Variants in SRGAP3 observed in about 807,000 individuals in gnomAD.
SRGAP3 encodes the protein SLIT-ROBO Rho GTPase-activating protein 3.
A neutral mutation model predicts 121.1 loss-of-function variants in SRGAP3; 39 were observed. That is an observed-to-expected ratio of 0.32 (90% CI 0.25 to 0.42). The LOEUF is 0.42. Ranked by LOEUF, SRGAP3 falls within the 10% of genes least tolerant of loss-of-function variation. SRGAP3 has a pLI of 1.00. For missense variants in SRGAP3, 1,213 were observed against 1,470.6 expected (o/e 0.82, Z 2.86); for synonymous variants, 601 against 570.0 (o/e 1.05, Z -0.77).
intron 10 of SRGAP3, among the ~76,000 whole-genome samples, chr3:9,044,923 C>T (rs533983113): frequency 6.6e-6 from 1 of 152,278 alleles, no homozygotes; most frequent in East Asian, 1.9e-4. Context: ...CCCTAAGAAT[C>T]TACCTGTATC....
At chr3:9,073,210 C>T (rs778894953) in intron 4 of SRGAP3, among the ~76,000 whole-genome samples, 4 of 152,210 alleles carry the variant, frequency 2.6e-5, no homozygotes, top group Non-Finnish European at 4.4e-5. Flanking sequence ...GTGGTGCAAT[C>T]ACAGCTCACT....
At chr3:9,025,120 G>C (rs894016943) in intron 14 of SRGAP3, 141 bp downstream of exon 14, 2 of 832,598 alleles carry the variant, frequency 2.4e-6, no homozygotes, top group Non-Finnish European at 4.1e-6. Flanking sequence ...CACTGCATGT[G>C]AAGTTGGGAA....
intron 1 of SRGAP3, among the ~76,000 whole-genome samples, chr3:9,167,695 G>T (rs1169302728): frequency 6.6e-6 from 1 of 152,182 alleles, no homozygotes; most frequent in African/African-American, 2.4e-5. Context: ...GGAAGGAGGA[G>T]AATCCAGCTC....
chr3:9,294,119 G>A (rs1382303473), intron 3 of SRGAP3, among the ~76,000 whole-genome samples: 1 of 152,074 alleles, frequency 6.6e-6, no homozygotes, highest in Non-Finnish European at 1.5e-5. Flanking sequence ...AAGAAAATGT[G>A]GTATACACCA....
At chr3:9,070,442 G>A (rs953297014) in intron 4 of SRGAP3, among the ~76,000 whole-genome samples, 3 of 152,234 alleles carry the variant, frequency 2.0e-5, no homozygotes, top group East Asian at 1.9e-4. Context: ...GGTCTTGTTC[G>A]TGATAGTATT....
intron 1 of SRGAP3, among the ~76,000 whole-genome samples, chr3:9,150,559 G>A (rs561340621): frequency 6.6e-6 from 1 of 152,336 alleles, no homozygotes; most frequent in East Asian, 1.9e-4. Context: ...TCTGAGGGCA[G>A]CAAGAGAAGC....
intron 18 of SRGAP3, among the ~76,000 whole-genome samples, chr3:9,005,068 C>T (rs59240543): frequency 0.21 from 32,623 of 152,060 alleles, 3,654 homozygotes; most frequent in Non-Finnish European, 0.25. Flanking sequence ...ATCTAGAATA[C>T]ATAAAGAGCT....
intron 3 of SRGAP3, among the ~76,000 whole-genome samples, chr3:9,304,960 T>C (rs1955132092): frequency 6.6e-6 from 1 of 152,184 alleles, no homozygotes; most frequent in African/African-American, 2.4e-5. Context: ...TTCTCAACAA[T>C]ACCTCATTTA....
intron 4 of SRGAP3, among the ~76,000 whole-genome samples, chr3:9,073,650 G>A (rs973560267): frequency 1.4e-4 from 21 of 152,316 alleles, no homozygotes; most frequent in Non-Finnish European, 2.9e-4. Flanking sequence ...AAAGGGTTAC[G>A]ATGAGGATGA....
At chr3:9,316,106 T>G (rs944464731) in intron 3 of SRGAP3, among the ~76,000 whole-genome samples, 1 of 152,048 alleles carries the variant, frequency 6.6e-6, no homozygotes, top group Non-Finnish European at 1.5e-5. Flanking sequence ...TGGAGTGCAG[T>G]GGCACGATCT....
At chr3:9,057,999 G>A (rs533333130) in intron 7 of SRGAP3, among the ~76,000 whole-genome samples, 1 of 152,282 alleles carries the variant, frequency 6.6e-6, no homozygotes, top group Admixed American at 6.5e-5. Flanking sequence ...GGCTCCCTTG[G>A]AGTCTTCTAG....
In SRGAP3 at chr3:9,199,729, C is replaced by T. The variant is rs62244894; in HGVS notation, c.67+49156G>A. 1.5e-3 allele frequency among the ~76,000 whole-genome samples: 235 copies of T among 152,302 alleles called. 1 individual carries two copies. Among genetic ancestry groups the T allele is most frequent in the Non-Finnish European group, 2.9e-3 (195 of 68,028 alleles). On this transcript the variant is annotated intron_variant, in intron 1 of 21. Coordinates refer to ENST00000383836, the MANE Select transcript of SRGAP3 (RefSeq NM_014850.4). ...ATTGAGTCCCTAAAGGGGAAGCAATCGTATTCTCTAACTCAAAGCATGGCT... is the reference window on the plus strand; with the variant it reads ...ATTGAGTCCCTAAAGGGGAAGCAATTGTATTCTCTAACTCAAAGCATGGCT...
chr3:9,026,613 T>C (rs1944215452), intron 13 of SRGAP3, among the ~76,000 whole-genome samples: 1 of 152,226 alleles, frequency 6.6e-6, no homozygotes. Flanking sequence ...GAGCTTATAA[T>C]CTAGCCGTAT....
At chr3:9,123,734 G>A (rs1034744893) in intron 2 of SRGAP3, among the ~76,000 whole-genome samples, 2 of 144,212 alleles carry the variant, frequency 1.4e-5, no homozygotes, top group Non-Finnish European at 3.0e-5. Flanking sequence ...ATGTATATAT[G>A]TGTGTGTGTG....
intron 10 of SRGAP3, among the ~76,000 whole-genome samples, chr3:9,045,590 C>T (rs1314613598): frequency 6.6e-6 from 1 of 151,904 alleles, no homozygotes; most frequent in African/African-American, 2.4e-5. Flanking sequence ...GAACACAAAG[C>T]AAGCCCCCCC....
chr3:9,356,299 C>G (rs2030503573), intron 1 of SRGAP3, among the ~76,000 whole-genome samples: 2 of 148,280 alleles, frequency 1.3e-5, no homozygotes, highest in South Asian at 4.3e-4. Flanking sequence ...TCAAGCAATC[C>G]TCCCACCTCA....
intron 1 of SRGAP3, among the ~76,000 whole-genome samples, chr3:9,356,183 C>CTTTTTTT (rs916919134): frequency 1.5e-5 from 2 of 136,736 alleles, no homozygotes; most frequent in African/African-American, 5.9e-5. Context: ...GTTTATGGGA[C>CTTTTTTT]TTTTTTTTCT....
intron 1 of SRGAP3, among the ~76,000 whole-genome samples, chr3:9,201,780 G>A (rs1952074734): frequency 6.6e-6 from 1 of 152,208 alleles, no homozygotes; most frequent in South Asian, 2.1e-4. Flanking sequence ...CTACTGGAGG[G>A]ATGTAATTCT....
At chr3:9,205,691 C>T (rs1457184365) in intron 1 of SRGAP3, among the ~76,000 whole-genome samples, 5 of 152,222 alleles carry the variant, frequency 3.3e-5, no homozygotes, top group Non-Finnish European at 5.9e-5. Context: ...AATGCAGGTG[C>T]ATTATTCAAC....
Sources: gnomAD v4.1 joint callset for allele counts (sites outside exome capture counted in the v4.1 genomes callset) on GRCh38, gnomAD v4.1.1 for gene constraint, MANE v1.5 for transcripts, NCBI Gene and HGNC (gene_info 2026-07-23, HGNC 2026-07-21) for gene names.